The following STX1B variants were observed in gnomAD, a reference collection of about 807,000 sequenced individuals.
STX1B encodes the protein syntaxin 1B.
Under a neutral mutation model 39.4 loss-of-function variants are expected in STX1B, and 7 were observed. That is an observed-to-expected ratio of 0.18 (90% confidence interval 0.10 to 0.33). STX1B has a LOEUF of 0.33. Ranked by LOEUF, STX1B falls within the 10% of genes least tolerant of loss-of-function variation. The pLI is 1.00. For synonymous variants in STX1B, 136 were observed against 144.1 expected, an observed-to-expected ratio of 0.94 and a Z score of 0.40; for missense variants, 198 against 383.2, an observed-to-expected ratio of 0.52 and a Z score of 4.04.
At chr16:31,000,864 G>T in intron 4 of STX1B, 64 bp downstream of exon 4, 2 of 1,565,116 alleles carry the variant, frequency 1.3e-6, no homozygotes, top group Middle Eastern at 1.7e-4. Context: ...CCTCCCAAAG[G>T]CCTGAGCCAC....
chr16:30,998,073 G>A (rs1258602427), intron 4 of STX1B, among the ~76,000 whole-genome samples: 1 of 152,188 alleles, frequency 6.6e-6, no homozygotes, highest in African/African-American at 2.4e-5. Context: ...GAATTCAAGG[G>A]CAAACACATG....
intron 4 of STX1B, 103 bp downstream of exon 4, chr16:31,000,825 C>T: frequency 8.5e-7 from 1 of 1,179,912 alleles, no homozygotes; most frequent in South Asian, 1.3e-5. Context: ...TGTTGAACTC[C>T]TGGGATTGAG....
chr16:30,996,810 G>C, intron 6 of STX1B, 54 bp from the exon 7 acceptor site: 1 of 1,604,214 alleles, frequency 6.2e-7, no homozygotes, highest in East Asian at 2.2e-5. Flanking sequence ...GGGGGCCTGA[G>C]GTGGGGTGAT....
At chr16:31,007,683 G>C (rs1251920681) in intron 1 of STX1B, among the ~76,000 whole-genome samples, 1 of 152,118 alleles carries the variant, frequency 6.6e-6, no homozygotes, top group African/African-American at 2.4e-5. Flanking sequence ...GGCCCTCAAT[G>C]TACTCCAAAA....
chr16:31,005,778 C>A (rs904494995), intron 1 of STX1B, among the ~76,000 whole-genome samples: 1 of 152,178 alleles, frequency 6.6e-6, no homozygotes, highest in Non-Finnish European at 1.5e-5. Context: ...GCTCCTTGAG[C>A]ACTTGAGAGG....
intron 7 of STX1B, among the ~76,000 whole-genome samples, chr16:30,994,890 G>A (rs1320549290): frequency 9.8e-5 from 2 of 20,432 alleles, no homozygotes; most frequent in East Asian, 5.1e-3. Flanking sequence ...CAGTCTCCCC[G>A]TCTTTTTTTT....
intron 1 of STX1B, among the ~76,000 whole-genome samples, chr16:31,002,684 G>C (rs539875522): frequency 6.6e-6 from 1 of 152,228 alleles, no homozygotes; most frequent in Admixed American, 6.5e-5. Flanking sequence ...TCTCTGCTTG[G>C]GACAGAGGTC....
In STX1B at chr16:30,997,068, G is replaced by C; in HGVS notation, c.355-9C>G. The C allele has an allele frequency of 6.3e-7, 1 of 1,595,012 alleles. No homozygotes were observed. The highest frequency in any genetic ancestry group is 8.6e-7 in the Non-Finnish European group (1 of 1,163,458). ...CGGGACAGTGTGGAGTGCTACGGTG[G>C]GGGTGGGGGGACAGACGGATCAGGG... is the stretch of plus-strand genomic sequence containing the variant. On this transcript the variant is annotated splice_polypyrimidine_tract_variant and intron_variant, in intron 5 of 9. Coordinates refer to ENST00000215095, the MANE Select transcript of STX1B (RefSeq NM_052874.5).
intron 6 of STX1B, 34 bp downstream of exon 6, chr16:30,996,917 G>A (rs776112477): frequency 6.3e-7 from 1 of 1,587,026 alleles, no homozygotes. Context: ...CAGCCTCAAG[G>A]AGTTCGGGGT....
Position 30,992,631 on chromosome 16 carries a change from C to A in STX1B, c.*190G>T. The A allele has an allele frequency of 2.4e-6, 1 of 419,728 alleles. No homozygotes were observed. The highest frequency in any genetic ancestry group is 4.0e-6 in the Non-Finnish European group (1 of 250,500). The allele number at this position is 419,728 out of a possible 1,614,324, so 26.0% of individuals were successfully genotyped here. ...GTGTAATCACGCCTGCTGCGATCTA[C>A]GTGCGGGGACGGGGGGGGGGTCCAT... On this transcript the variant is annotated 3_prime_UTR_variant, in exon 10 of 10. Coordinates refer to ENST00000215095, the MANE Select transcript of STX1B (RefSeq NM_052874.5).
rs2056627230 is a variant in STX1B, at chr16:31,001,307, C to A, written c.106-114G>T. Reference sequence around the variant, plus strand: ...CAGCCCCAGAACGGCTGATAAAAGGCCAGGGAGGGTGCAGGAGCAGGGAAG... The same window carrying A: ...CAGCCCCAGAACGGCTGATAAAAGGACAGGGAGGGTGCAGGAGCAGGGAAG... On this transcript the variant is annotated intron_variant, in intron 2 of 9. Transcript: ENST00000215095. This position sits in a 1 kb window ranked among gnomAD's most constrained non-coding sequence, Gnocchi z 5.5. 1 of 1,062,392 alleles carries A rather than the reference C, an allele frequency of 9.4e-7. No individual in the cohort carries two copies. Among genetic ancestry groups the A allele is most frequent in the African/African-American group, 1.6e-5 (1 of 64,222 alleles). 65.8% of individuals were successfully genotyped at this position (1,062,392 alleles called of 1,614,324 possible).
At chr16:30,996,022 A>G (rs1313718301) in intron 7 of STX1B, among the ~76,000 whole-genome samples, 1 of 151,812 alleles carries the variant, frequency 6.6e-6, no homozygotes, top group Non-Finnish European at 1.5e-5. Flanking sequence ...CTACAAAAAA[A>G]GGTTTTTTTA....
At chr16:30,997,250 A>G (rs954463336) in intron 5 of STX1B, among the ~76,000 whole-genome samples, 191 bp from the exon 6 acceptor site, 2 of 151,992 alleles carry the variant, frequency 1.3e-5, no homozygotes, top group Non-Finnish European at 2.9e-5. Context: ...ATGGTTCCCT[A>G]CCCGCCCGGC....
intron 1 of STX1B, among the ~76,000 whole-genome samples, chr16:31,003,286 G>T (rs1176656421): frequency 6.6e-6 from 1 of 152,230 alleles, no homozygotes; most frequent in Non-Finnish European, 1.5e-5. Context: ...TGGAAAGGGA[G>T]TTTCCTCTGT....
At position 30,992,654 on chromosome 16, in the gene STX1B, C is replaced by T; in HGVS notation, c.*167G>A. The T allele has an allele frequency of 2.5e-6, 1 of 406,438 alleles. No individual in the cohort carries two copies. Among genetic ancestry groups the T allele is most frequent in the South Asian group, 2.8e-5 (1 of 35,540 alleles). The allele number at this position is 406,438 out of a possible 1,614,324, so 25.2% of individuals were successfully genotyped here. On this transcript the variant is annotated 3_prime_UTR_variant, in exon 10 of 10. Coordinates refer to ENST00000215095, the MANE Select transcript of STX1B (RefSeq NM_052874.5). ...TACGTGCGGGGACGGGGGGGGGGTC[C>T]ATGGCCCGGTGAGGTCCAGGGACAC...
intron 7 of STX1B, among the ~76,000 whole-genome samples, chr16:30,994,892 CTTT>C (rs10524041): frequency 2.0e-5 from 2 of 99,830 alleles, no homozygotes; most frequent in East Asian, 5.4e-4. Context: ...GTCTCCCCGT[CTTT>C]TTTTTTTTTT....
intron 1 of STX1B, among the ~76,000 whole-genome samples, chr16:31,009,488 C>T (rs2056670447): frequency 6.6e-6 from 1 of 151,958 alleles, no homozygotes; most frequent in Admixed American, 6.6e-5. Context: ...CTCCTCGGGC[C>T]CCAGGTCATT....
At chr16:30,996,603 T>C in intron 7 of STX1B, 80 bp downstream of exon 7, 1 of 1,293,002 alleles carries the variant, frequency 7.7e-7, no homozygotes. Flanking sequence ...AGGGTGGACT[T>C]AGGACCTTAG....
Position 30,993,251 on chromosome 16 carries a change from A to G in STX1B, c.676-11T>C, listed in dbSNP as rs761900697. The G allele has an allele frequency of 8.1e-6, 13 of 1,613,690 alleles. No individual in the cohort carries two copies. Among genetic ancestry groups the G allele is most frequent in the Non-Finnish European group, 1.1e-5 (13 of 1,179,576 alleles). On this transcript the variant is annotated splice_polypyrimidine_tract_variant and intron_variant, in intron 8 of 9. Coordinates refer to ENST00000215095, the MANE Select transcript of STX1B (RefSeq NM_052874.5). The stretch of plus-strand genomic sequence containing the variant: ...GTCAATCATCTCTCCCTGCAGACAG[A>G]GGAGACATGCACAGGGAGGGATGGG...
Sources: allele counts gnomAD v4.1 joint callset (sites outside exome capture counted in the v4.1 genomes callset), GRCh38; gene constraint gnomAD v4.1.1; non-coding constraint Gnocchi (gnomAD v3.1); transcripts MANE v1.5; gene names NCBI Gene and HGNC (gene_info 2026-07-23, HGNC 2026-07-21).